Variants in NLK observed in about 807,000 individuals in gnomAD.
The protein encoded by NLK is serine/threonine-protein kinase NLK.
In NLK, 11 loss-of-function variants were observed where a neutral mutation model predicts 59.0. That is an observed-to-expected ratio of 0.19 (90% CI 0.12 to 0.31). NLK has a LOEUF of 0.31. NLK is among the 10% of genes least tolerant of loss of function. The probability of loss-of-function intolerance (pLI) is 1.00; values close to 1 mark genes in which losing one functional copy is unlikely to be tolerated. For synonymous variants in NLK, 235 were observed against 235.9 expected, an observed-to-expected ratio of 1.00 and a Z score of 0.03; for missense variants, 410 against 661.1, an observed-to-expected ratio of 0.62 and a Z score of 4.16.
chr17:28,097,216 C>T (rs1904734496), intron 1 of NLK, among the ~76,000 whole-genome samples: 1 of 152,042 alleles, frequency 6.6e-6, no homozygotes, highest in Non-Finnish European at 1.5e-5. Flanking sequence ...AAAAAATGTT[C>T]AAATAACAAA....
intron 1 of NLK, among the ~76,000 whole-genome samples, chr17:28,093,858 G>T (rs1482875522): frequency 6.6e-6 from 1 of 152,102 alleles, no homozygotes; most frequent in African/African-American, 2.4e-5. Flanking sequence ...TGGACTAATG[G>T]TTTCTGCTAT....
chr17:28,160,619 T>C (rs551402883), intron 3 of NLK, among the ~76,000 whole-genome samples: 1 of 152,336 alleles, frequency 6.6e-6, no homozygotes, highest in African/African-American at 2.4e-5. Context: ...TTCATAAATA[T>C]ATACAAAGTT....
At chr17:28,178,231 C>G (rs1473507694) in intron 7 of NLK, among the ~76,000 whole-genome samples, 1 of 152,126 alleles carries the variant, frequency 6.6e-6, no homozygotes, top group Non-Finnish European at 1.5e-5. Flanking sequence ...GACCATGTGT[C>G]CATCCTGGAG....
intron 3 of NLK, among the ~76,000 whole-genome samples, chr17:28,134,967 G>T (rs1027550475): frequency 1.3e-5 from 2 of 152,188 alleles, no homozygotes; most frequent in African/African-American, 4.8e-5. Context: ...GATTACCTGG[G>T]TCTTCATTGA....
At chr17:28,101,903 AT>A (rs1904915677) in intron 1 of NLK, among the ~76,000 whole-genome samples, 1 of 152,088 alleles carries the variant, frequency 6.6e-6, no homozygotes, top group African/African-American at 2.4e-5. Flanking sequence ...TCTTGTATAA[AT>A]TTTATCTTGA....
chr17:28,203,236 C>T, the NLK span, among the ~76,000 whole-genome samples: 1 of 151,158 alleles, frequency 6.6e-6, no homozygotes, highest in Non-Finnish European at 1.5e-5. Context: ...TCTCCTGCTC[C>T]TGGCCACAAG....
chr17:28,072,205 T>C (rs1910026791), intron 1 of NLK, among the ~76,000 whole-genome samples: 1 of 152,196 alleles, frequency 6.6e-6, no homozygotes, highest in African/African-American at 2.4e-5. Flanking sequence ...ATATTTTATA[T>C]GTCTCTGATA....
At chr17:28,058,515 G>A (rs527902356) in intron 1 of NLK, among the ~76,000 whole-genome samples, 28 of 152,214 alleles carry the variant, frequency 1.8e-4, no homozygotes, top group African/African-American at 5.3e-4. Context: ...TGAGAGTTTC[G>A]AAGATTCGGG....
chr17:28,168,649 A>G lies in NLK; in HGVS notation c.1039A>G (p.Ile347Val), dbSNP rs1284972573. 12 of 1,612,848 alleles carry G rather than the reference A, an allele frequency of 7.4e-6. No homozygotes were observed. Among genetic ancestry groups the G allele is most frequent in the Middle Eastern group, 1.7e-4 (1 of 6,060 alleles). Reference protein sequence around the residue: ...RRILFQAQSPIQQLDLITDLL... With the variant: ...RRILFQAQSPVQQLDLITDLL... Reference sequence around the variant, plus strand: ...AATATTGTTTCAGGCACAGAGTCCCATTCAGCAGGTATGATTTCAATTTAA... The same window carrying G: ...AATATTGTTTCAGGCACAGAGTCCCGTTCAGCAGGTATGATTTCAATTTAA... Residue 347 changes from isoleucine (I) to valine (V), a missense_variant, in exon 6 of 11, where the codon ATT becomes GTT. By Grantham distance (29) the Ile-to-Val change is conservative. This residue lies in a region of NLK where 150 missense variants were observed against 244.3 expected (regional missense o/e 0.61). Transcript: ENST00000407008.
At chr17:28,189,357 T>C (rs1254722087) in intron 8 of NLK, among the ~76,000 whole-genome samples, 1 of 152,172 alleles carries the variant, frequency 6.6e-6, no homozygotes, top group African/African-American at 2.4e-5. Context: ...AAAATATTGT[T>C]GAAAATGTCA....
At chr17:28,123,753 G>C (rs1432809920) in intron 2 of NLK, among the ~76,000 whole-genome samples, 1 of 152,120 alleles carries the variant, frequency 6.6e-6, no homozygotes, top group Non-Finnish European at 1.5e-5. Context: ...AAATAGACTC[G>C]TGTTTTGACA....
At chr17:28,081,710 T>C (rs1910352766) in intron 1 of NLK, among the ~76,000 whole-genome samples, 1 of 152,162 alleles carries the variant, frequency 6.6e-6, no homozygotes, top group Non-Finnish European at 1.5e-5. Flanking sequence ...TTGTGTTCGT[T>C]TTAATGTTAC....
At chr17:28,151,472 A>T (rs1432703570) in intron 3 of NLK, among the ~76,000 whole-genome samples, 1 of 152,206 alleles carries the variant, frequency 6.6e-6, no homozygotes, top group Admixed American at 6.5e-5. Context: ...CTAAGAATTT[A>T]CTTTGCTAAA....
chr17:28,149,251 A>G (rs1191256779), intron 3 of NLK, among the ~76,000 whole-genome samples: 2 of 152,018 alleles, frequency 1.3e-5, no homozygotes, highest in Non-Finnish European at 2.9e-5. Context: ...TTTTGTAGAG[A>G]CGGGATCTCT....
chr17:28,172,714 A>G (rs993503115), intron 7 of NLK, 96 bp downstream of exon 7: 14 of 578,106 alleles, frequency 2.4e-5, no homozygotes, highest in African/African-American at 2.2e-4. Flanking sequence ...AAGCAAATGT[A>G]TTATCTGTAG....
chr17:28,132,750 T>G, intron 3 of NLK, 75 bp downstream of exon 3: 4 of 1,209,598 alleles, frequency 3.3e-6, no homozygotes, highest in Non-Finnish European at 4.8e-6. Context: ...CTTTTGGGGT[T>G]CATGCCTTCA....
intron 7 of NLK, 34 bp from the exon 8 acceptor site, chr17:28,185,145 C>T: frequency 7.7e-7 from 1 of 1,297,374 alleles, no homozygotes; most frequent in Non-Finnish European, 1.1e-6. Context: ...CACAAAGACT[C>T]ACTTAAATAT....
At chr17:28,126,735 A>G (rs1468078895) in intron 2 of NLK, among the ~76,000 whole-genome samples, 1 of 152,156 alleles carries the variant, frequency 6.6e-6, no homozygotes, top group Non-Finnish European at 1.5e-5. Context: ...ATCTTAACAC[A>G]TTCACCTTGA....
chr17:28,186,453 TG>T (rs1176987875), intron 8 of NLK, among the ~76,000 whole-genome samples: 1 of 152,244 alleles, frequency 6.6e-6, no homozygotes, highest in East Asian at 1.9e-4. Context: ...TTTTCTTTTT[TG>T]TTTTTTTACT....
Sources: gnomAD v4.1 joint callset for allele counts (sites outside exome capture counted in the v4.1 genomes callset) on GRCh38, gnomAD v4.1.1 for gene constraint, gnomAD v4.1.1 regional missense constraint, MANE v1.5 for transcripts, NCBI Gene and HGNC (gene_info 2026-07-23, HGNC 2026-07-21) for gene names.